The following AKR1C8 variants were observed in gnomAD, a reference collection of about 807,000 sequenced individuals.
The protein encoded by AKR1C8 is aldo-keto reductase family 1 member C8.
At chr10:5,121,106 C>G in the AKR1C8 span, among the ~76,000 whole-genome samples, 1 of 151,954 alleles carries the variant, frequency 6.6e-6, no homozygotes, top group Admixed American at 6.6e-5. Context: ...CATATAAAAT[C>G]TCTGTCGGGT....
At chr10:5,174,233 T>C in the AKR1C8 span, among the ~76,000 whole-genome samples, 1 of 151,440 alleles carries the variant, frequency 6.6e-6, no homozygotes, top group Admixed American at 6.6e-5. Flanking sequence ...AACTACTAGA[T>C]CTTCTTCTGT....
At chr10:5,138,850 GA>G in the AKR1C8 span, among the ~76,000 whole-genome samples, 8 of 152,206 alleles carry the variant, frequency 5.3e-5, no homozygotes, top group East Asian at 1.5e-3. Flanking sequence ...ATTCAATTAG[GA>G]AAAGAGGAAG....
chr10:5,119,824 T>G, the AKR1C8 span, among the ~76,000 whole-genome samples: 6 of 152,202 alleles, frequency 3.9e-5, no homozygotes, highest in African/African-American at 1.4e-4. Context: ...AAAAAGAATA[T>G]TAATTTATAA....
chr10:5,144,939 GT>G, the AKR1C8 span, among the ~76,000 whole-genome samples: 8 of 152,012 alleles, frequency 5.3e-5, no homozygotes, highest in South Asian at 1.7e-3. Context: ...GGGCATCCCT[GT>G]CTTGTGCCAG....
At chr10:5,132,107 T>G in the AKR1C8 span, among the ~76,000 whole-genome samples, 6 of 152,148 alleles carry the variant, frequency 3.9e-5, no homozygotes, top group Admixed American at 3.9e-4. Flanking sequence ...CCTTCTCACT[T>G]ATAAGTGGGA....
the AKR1C8 span, among the ~76,000 whole-genome samples, chr10:5,174,640 C>A: frequency 6.6e-6 from 1 of 151,888 alleles, no homozygotes; most frequent in African/African-American, 2.4e-5. Context: ...AAACAACTTA[C>A]CAGGTTTTAC....
chr10:5,131,994 G>T, the AKR1C8 span, among the ~76,000 whole-genome samples: 2 of 152,160 alleles, frequency 1.3e-5, no homozygotes, highest in African/African-American at 4.8e-5. Context: ...TCATAGAATG[G>T]TGTATATGTA....
chr10:5,147,915 T>C, the AKR1C8 span, among the ~76,000 whole-genome samples: 5,028 of 152,304 alleles, frequency 0.033, 274 homozygotes, highest in African/African-American at 0.12. Context: ...TTATCATTGC[T>C]CAAGTAGAGA....
At chr10:5,135,763 G>GTTAT in the AKR1C8 span, among the ~76,000 whole-genome samples, 37 of 33,812 alleles carry the variant, frequency 1.1e-3, no homozygotes, top group South Asian at 2.9e-3. Context: ...CTCACATGAT[G>GTTAT]CTAAAGGAAT....
the AKR1C8 span, among the ~76,000 whole-genome samples, chr10:5,143,939 C>T: frequency 6.6e-5 from 10 of 151,722 alleles, 1 homozygote; most frequent in Admixed American, 5.3e-4. Flanking sequence ...ACAGAAAGTG[C>T]TAATAGTTGA....
At chr10:5,128,993 A>C in the AKR1C8 span, among the ~76,000 whole-genome samples, 1 of 152,058 alleles carries the variant, frequency 6.6e-6, no homozygotes, top group South Asian at 2.1e-4. Flanking sequence ...TCTTATCAGC[A>C]CATGGAACAT....
the AKR1C8 span, chr10:5,159,878 C>T: frequency 9.1e-5 from 47 of 514,310 alleles, no homozygotes; most frequent in South Asian, 4.4e-4. Flanking sequence ...GGGCTAAGGG[C>T]TCACCTGGTT....
At chr10:5,162,052 T>C in the AKR1C8 span, 1 of 468,072 alleles carries the variant, frequency 2.1e-6, no homozygotes, top group Non-Finnish European at 4.4e-6. Flanking sequence ...GGTCAGACAT[T>C]GAGATATGAG....
At chr10:5,158,058 G>T in the AKR1C8 span, among the ~76,000 whole-genome samples, 1 of 152,150 alleles carries the variant, frequency 6.6e-6, no homozygotes, top group Non-Finnish European at 1.5e-5. Flanking sequence ...AAAATGGAAA[G>T]AACTACAGAT....
chr10:5,119,705 C>CT, the AKR1C8 span, among the ~76,000 whole-genome samples: 1 of 152,112 alleles, frequency 6.6e-6, no homozygotes, highest in Non-Finnish European at 1.5e-5. Context: ...TACAGAGATC[C>CT]TCTCCAAGAT....
the AKR1C8 span, among the ~76,000 whole-genome samples, chr10:5,165,785 G>A: frequency 6.6e-6 from 1 of 152,088 alleles, no homozygotes; most frequent in Non-Finnish European, 1.5e-5. Flanking sequence ...TCATTAAAGG[G>A]TCTTACCCAA....
the AKR1C8 span, among the ~76,000 whole-genome samples, chr10:5,120,720 T>A: frequency 6.6e-6 from 1 of 152,184 alleles, no homozygotes; most frequent in Non-Finnish European, 1.5e-5. Context: ...TCTCTCAGAA[T>A]CCTGGTATGG....
At chr10:5,174,438 T>C in the AKR1C8 span, among the ~76,000 whole-genome samples, 2 of 152,104 alleles carry the variant, frequency 1.3e-5, no homozygotes, top group Non-Finnish European at 2.9e-5. Flanking sequence ...GTCTTCAAGA[T>C]ATAAATATGT....
At chr10:5,127,221 TAA>T in the AKR1C8 span, among the ~76,000 whole-genome samples, 5,092 of 148,476 alleles carry the variant, frequency 0.034, 285 homozygotes, top group African/African-American at 0.12. Flanking sequence ...AATTTTTTTT[TAA>T]AAAAATTCAG....
Sources: allele counts gnomAD v4.1 joint callset (sites outside exome capture counted in the v4.1 genomes callset), GRCh38; gene constraint gnomAD v4.1.1; transcripts MANE v1.5; gene names NCBI Gene and HGNC (gene_info 2026-07-23, HGNC 2026-07-21).